Variants in NCAM2 observed in about 807,000 individuals in gnomAD.
The protein encoded by NCAM2 is neural cell adhesion molecule 2, also known as N-CAM-2.
NCAM2 carries 30 observed loss-of-function variants against 98.1 expected under a neutral mutation model. The observed-to-expected ratio is 0.31, with a 90% confidence interval of 0.23 to 0.41. The LOEUF (loss-of-function observed/expected upper bound fraction) is 0.41, where lower values mean the gene tolerates loss of function less well. NCAM2 is among the 10% of genes least tolerant of loss of function. NCAM2 has a pLI of 1.00. For missense variants in NCAM2, 867 were observed against 1,005.8 expected, an observed-to-expected ratio of 0.86 and a Z score of 1.87; for synonymous variants, 368 against 342.4, an observed-to-expected ratio of 1.07 and a Z score of -0.83.
intron 1 of NCAM2, among the ~76,000 whole-genome samples, chr21:21,244,559 A>G (rs2071188585): frequency 6.6e-6 from 1 of 152,090 alleles, no homozygotes; most frequent in Non-Finnish European, 1.5e-5. Context: ...GGCCACAGTT[A>G]AAAAACAGGC....
At chr21:21,258,567 C>T (rs1192607915) in intron 1 of NCAM2, among the ~76,000 whole-genome samples, 1 of 152,132 alleles carries the variant, frequency 6.6e-6, no homozygotes, top group African/African-American at 2.4e-5. Flanking sequence ...GGAGGCCCTC[C>T]ACCCTCAGGA....
At chr21:21,426,779 G>A (rs1340256566) in intron 11 of NCAM2, among the ~76,000 whole-genome samples, 5 of 152,092 alleles carry the variant, frequency 3.3e-5, no homozygotes, top group South Asian at 2.1e-4. Context: ...ATTCTAAACT[G>A]TATACATGTA....
chr21:21,540,419 C>G lies in NCAM2; in HGVS notation c.*2462C>G, dbSNP rs1372695636. Reference sequence around the variant, plus strand: ...GCACTGTTTCAGTTGCCCGGGTGGTCCTTACCTCTTGTCCTTGAAATCCAT... The same window carrying G: ...GCACTGTTTCAGTTGCCCGGGTGGTGCTTACCTCTTGTCCTTGAAATCCAT... On this transcript the variant is annotated 3_prime_UTR_variant, in exon 18 of 18. Transcript: ENST00000400546. 1 of 151,722 alleles carries G rather than the reference C, an allele frequency of 6.6e-6. No individual in the cohort carries two copies. The highest frequency in any genetic ancestry group is 6.6e-5 in the Admixed American group (1 of 15,166). The allele number at this position is 151,722 out of a possible 1,614,324, so 9.4% of individuals were successfully genotyped here. A position where few individuals can be genotyped will look rare whatever the true frequency, so the allele number is the denominator to read the frequency against.
chr21:21,159,691 C>T (rs541916906), intron 1 of NCAM2, among the ~76,000 whole-genome samples: 3 of 151,950 alleles, frequency 2.0e-5, no homozygotes, highest in Non-Finnish European at 4.4e-5. Flanking sequence ...CACACAATGA[C>T]GAAATTGCCT....
At chr21:21,389,242 G>A (rs2076331295) in intron 9 of NCAM2, among the ~76,000 whole-genome samples, 1 of 152,190 alleles carries the variant, frequency 6.6e-6, no homozygotes, top group Non-Finnish European at 1.5e-5. Flanking sequence ...GCAGGCAAGA[G>A]AGTGTGTGCA....
At chr21:21,331,538 C>CTATA (rs1568942351) in intron 6 of NCAM2, among the ~76,000 whole-genome samples, 1 of 1,514 alleles carries the variant, frequency 6.6e-4, no homozygotes, top group Non-Finnish European at 2.6e-3. Context: ...TATATATACT[C>CTATA]TATATACATA....
At chr21:21,294,041 A>G (rs1204341221) in intron 5 of NCAM2, among the ~76,000 whole-genome samples, 1 of 151,616 alleles carries the variant, frequency 6.6e-6, no homozygotes, top group African/African-American at 2.4e-5. Context: ...ACCCTTTGTT[A>G]TTCATTCTGC....
chr21:21,327,160 A>C (rs2074537388), intron 6 of NCAM2, among the ~76,000 whole-genome samples: 1 of 152,130 alleles, frequency 6.6e-6, no homozygotes, highest in East Asian at 1.9e-4. Flanking sequence ...ACATGGTGAA[A>C]TCCCATGCAT....
At chr21:21,476,429 G>T (rs1253521175) in intron 14 of NCAM2, among the ~76,000 whole-genome samples, 2 of 151,992 alleles carry the variant, frequency 1.3e-5, no homozygotes, top group African/African-American at 4.8e-5. Flanking sequence ...AGAAGCAGCT[G>T]CTACCATCAC....
At chr21:21,389,813 T>A in intron 9 of NCAM2, among the ~76,000 whole-genome samples, 1 of 152,314 alleles carries the variant, frequency 6.6e-6, no homozygotes, top group South Asian at 2.1e-4. Flanking sequence ...CTTTATCCAT[T>A]CATGCACTGG....
intron 8 of NCAM2, among the ~76,000 whole-genome samples, chr21:21,369,588 A>G (rs983261217): frequency 2.0e-5 from 3 of 151,792 alleles, no homozygotes; most frequent in African/African-American, 4.8e-5. Context: ...GAGGGTGCCA[A>G]TTTCTTCACA....
In NCAM2 at chr21:21,304,525, A is replaced by G. The variant is rs1276837026; in HGVS notation, c.619+12284A>G. On this transcript the variant is annotated intron_variant, in intron 5 of 17. Transcript: ENST00000400546. ...TTATGATAAGTTAGAATAATGTATT[A>G]TAAGTCCTCCAACTTTGTTCATCTT... Among the ~76,000 whole-genome samples, 5 of 152,100 alleles carry G rather than the reference A, an allele frequency of 3.3e-5. No individual in the cohort carries two copies. The South Asian group carries it at 6.2e-4, about 19-fold the overall frequency.
chr21:21,022,441 T>C (rs186873329), intron 1 of NCAM2, among the ~76,000 whole-genome samples: 2 of 152,196 alleles, frequency 1.3e-5, no homozygotes, highest in African/African-American at 4.8e-5. Flanking sequence ...TTATTTTAAT[T>C]TTTGCATGGC....
At chr21:21,325,949 G>A (rs2074499606) in intron 6 of NCAM2, among the ~76,000 whole-genome samples, 1 of 152,116 alleles carries the variant, frequency 6.6e-6, no homozygotes, top group Non-Finnish European at 1.5e-5. Flanking sequence ...AACCAATAGT[G>A]GGAATAGTAG....
At chr21:21,091,086 T>C (rs2146447286) in intron 1 of NCAM2, among the ~76,000 whole-genome samples, 1 of 152,280 alleles carries the variant, frequency 6.6e-6, no homozygotes, top group Admixed American at 6.5e-5. Flanking sequence ...TCATGTTGTT[T>C]CCCCAATCTG....
chr21:21,000,717 G>C (rs1442701512), intron 1 of NCAM2, among the ~76,000 whole-genome samples: 7 of 152,034 alleles, frequency 4.6e-5, no homozygotes, highest in Admixed American at 4.6e-4. Flanking sequence ...ATATATCAGA[G>C]AGACGTAGCT....
chr21:21,436,673 A>G (rs1978371249), intron 12 of NCAM2, among the ~76,000 whole-genome samples: 1 of 152,072 alleles, frequency 6.6e-6, no homozygotes, highest in African/African-American at 2.4e-5. Context: ...GGAGAATGGA[A>G]AGGATTATTT....
intron 1 of NCAM2, among the ~76,000 whole-genome samples, chr21:21,196,916 T>C (rs2069024620): frequency 6.6e-6 from 1 of 152,128 alleles, no homozygotes. Flanking sequence ...AGTGAGTTCT[T>C]GGGAGATCTC....
At chr21:21,169,538 A>G (rs528749268) in intron 1 of NCAM2, among the ~76,000 whole-genome samples, 4 of 152,350 alleles carry the variant, frequency 2.6e-5, no homozygotes, top group East Asian at 1.9e-4. Context: ...TGCACAAGAT[A>G]CATCTGATAA....
Sources: allele counts gnomAD v4.1 joint callset (sites outside exome capture counted in the v4.1 genomes callset), GRCh38; gene constraint gnomAD v4.1.1; transcripts MANE v1.5; gene names NCBI Gene and HGNC (gene_info 2026-07-23, HGNC 2026-07-21).